Variants in UACA observed in about 807,000 individuals in gnomAD.
UACA encodes the protein uveal autoantigen with coiled-coil domains and ankyrin repeats.
Under a neutral mutation model 160.5 loss-of-function variants are expected in UACA, and 112 were observed. The ratio of observed to expected loss-of-function variants is 0.70; its 90% CI spans 0.60 to 0.82. The LOEUF (loss-of-function observed/expected upper bound fraction) is 0.82, where lower values mean the gene tolerates loss of function less well. Ranked by LOEUF, UACA falls within the 40% of genes least tolerant of loss-of-function variation. The pLI is 0.00. For synonymous variants in UACA, 557 were observed against 568.4 expected (o/e 0.98, Z 0.29); for missense variants, 1,574 against 1,614.6 (o/e 0.97, Z 0.43).
chr15:70,751,339 T>C (rs550145313), intron 1 of UACA, among the ~76,000 whole-genome samples: 1 of 152,324 alleles, frequency 6.6e-6, no homozygotes, highest in African/African-American at 2.4e-5. Context: ...AGGTGGACTT[T>C]TGAAGATCTA....
intron 1 of UACA, among the ~76,000 whole-genome samples, chr15:70,729,300 G>A (rs1045140112): frequency 1.1e-4 from 16 of 152,262 alleles, no homozygotes; most frequent in Admixed American, 3.3e-4. Context: ...CCCATCAAGA[G>A]TGGACTGGAA....
intron 16 of UACA, among the ~76,000 whole-genome samples, chr15:70,666,064 C>T (rs1249147631): frequency 7.3e-6 from 1 of 136,166 alleles, no homozygotes; most frequent in Non-Finnish European, 1.7e-5. Context: ...AGATCAACTA[C>T]ATAATTCTAA....
At chr15:70,726,531 T>C (rs1019482215) in intron 1 of UACA, among the ~76,000 whole-genome samples, 1 of 152,200 alleles carries the variant, frequency 6.6e-6, no homozygotes, top group South Asian at 2.1e-4. Context: ...TTTCATTTCA[T>C]TTGGCTTTAC....
intron 2 of UACA, among the ~76,000 whole-genome samples, chr15:70,698,911 G>A (rs752784124): frequency 3.8e-4 from 57 of 152,000 alleles, no homozygotes; most frequent in Non-Finnish European, 6.8e-4. Context: ...CAGACACATC[G>A]TTCATAAGCA....
At chr15:70,699,997 A>G (rs1023805881) in intron 1 of UACA, among the ~76,000 whole-genome samples, 1 of 152,112 alleles carries the variant, frequency 6.6e-6, no homozygotes, top group Non-Finnish European at 1.5e-5. Context: ...CTAAAGTCCC[A>G]ATCAACCCTA....
chr15:70,687,935 C>A, intron 5 of UACA, 115 bp from the exon 6 acceptor site: 2 of 918,362 alleles, frequency 2.2e-6, no homozygotes, highest in Non-Finnish European at 1.7e-6. Flanking sequence ...CCAAGCTTCA[C>A]GTCCTTCACT....
chr15:70,735,397 C>G (rs1485383444), intron 1 of UACA, among the ~76,000 whole-genome samples: 1 of 151,718 alleles, frequency 6.6e-6, no homozygotes, highest in Non-Finnish European at 1.5e-5. Context: ...AAATCTAAAT[C>G]CATCTCTAAA....
rs181575709 is a variant in UACA, at chr15:70,659,193, A to G, written c.4179+958T>C. On this transcript the variant is annotated intron_variant, in intron 18 of 18. Transcript: ENST00000322954. Reference sequence around the variant, plus strand: ...ATTTGCTCAAAAGAGAGTAGCTAAGATCCCTTGTTCTATCATATCATTCAT... The same window carrying G: ...ATTTGCTCAAAAGAGAGTAGCTAAGGTCCCTTGTTCTATCATATCATTCAT... Among the ~76,000 whole-genome samples, 616 of 152,200 alleles carry G rather than the reference A, an allele frequency of 4.0e-3. 5 individuals are homozygous for G. Among genetic ancestry groups the G allele is most frequent in the African/African-American group, 0.014 (584 of 41,550 alleles).
chr15:70,685,571 T>C (rs561376553), intron 7 of UACA, among the ~76,000 whole-genome samples: 1 of 152,268 alleles, frequency 6.6e-6, no homozygotes, highest in East Asian at 1.9e-4. Context: ...AAGAAATGAA[T>C]ATAGAGTATT....
At chr15:70,751,973 C>T (rs575276309) in intron 1 of UACA, among the ~76,000 whole-genome samples, 134 of 152,202 alleles carry the variant, frequency 8.8e-4, no homozygotes, top group African/African-American at 2.9e-3. Context: ...CAGTGGCTCA[C>T]GCCTGTGGGA....
At chr15:70,684,661 G>T (rs1037582876) in intron 7 of UACA, among the ~76,000 whole-genome samples, 7 of 151,806 alleles carry the variant, frequency 4.6e-5, no homozygotes, top group Non-Finnish European at 7.4e-5. Flanking sequence ...AGTAAGGAAT[G>T]TTTTGCTTCT....
chr15:70,765,382 G>A (rs1025465314), upstream of UACA, among the ~76,000 whole-genome samples: 4 of 152,122 alleles, frequency 2.6e-5, no homozygotes, highest in Non-Finnish European at 5.9e-5. Flanking sequence ...TCTTTTATGT[G>A]TGTGTTATGC....
chr15:70,717,449 C>A (rs1474980764), intron 1 of UACA, among the ~76,000 whole-genome samples: 2 of 152,170 alleles, frequency 1.3e-5, no homozygotes, highest in Non-Finnish European at 2.9e-5. Context: ...CTATTCAACT[C>A]TGCCACTGTA....
intron 2 of UACA, among the ~76,000 whole-genome samples, chr15:70,697,621 T>A (rs955649268): frequency 2.6e-5 from 4 of 152,248 alleles, no homozygotes; most frequent in Non-Finnish European, 2.9e-5. Context: ...AAACAAATTG[T>A]TTTTGTAATT....
At chr15:70,678,935 C>T (rs1897382190) in intron 10 of UACA, among the ~76,000 whole-genome samples, 1 of 152,042 alleles carries the variant, frequency 6.6e-6, no homozygotes, top group South Asian at 2.1e-4. Context: ...CTAAAATAAA[C>T]ACAAATGTAT....
chr15:70,702,278 A>G, intron 1 of UACA: 1 of 1,032,726 alleles, frequency 9.7e-7, no homozygotes, highest in Non-Finnish European at 1.2e-6. Flanking sequence ...TGCTGCCTCA[A>G]CACTGCAACA....
intron 2 of UACA, among the ~76,000 whole-genome samples, chr15:70,697,829 T>C (rs113206838): frequency 2.6e-5 from 4 of 152,130 alleles, no homozygotes; most frequent in Non-Finnish European, 5.9e-5. Flanking sequence ...GGTGGGCACA[T>C]CACCAGAGGT....
chr15:70,667,403 G>A lies in UACA; in HGVS notation c.3281C>T (p.Ala1094Val). The A allele has an allele frequency of 6.2e-7, 1 of 1,611,572 alleles. No homozygotes were observed. Residue 1094 changes from alanine (A) to valine (V), a missense_variant, in exon 16 of 19, where the codon GCC (alanine) becomes GTC (valine). Physicochemically the swap from Ala to Val is moderately conservative, Grantham distance 64. Coordinates refer to ENST00000322954, the MANE Select transcript of UACA (RefSeq NM_018003.4). Reference sequence around the variant, plus strand: ...TGCAAGTATCTCAGAAGTCTGTTTGGCATTTTCTTCTACTAGCTTCTCTTT... The same window carrying A: ...TGCAAGTATCTCAGAAGTCTGTTTGACATTTTCTTCTACTAGCTTCTCTTT... ...NVKEKLVEEN[A>V]KQTSEILAVQ...
chr15:70,720,895 C>G (rs1369071679), intron 1 of UACA, among the ~76,000 whole-genome samples: 4 of 152,164 alleles, frequency 2.6e-5, no homozygotes, highest in Admixed American at 2.6e-4. Context: ...AACAGTATCA[C>G]AAGTTACAGC....
Sources: allele counts gnomAD v4.1 joint callset (sites outside exome capture counted in the v4.1 genomes callset), GRCh38; gene constraint gnomAD v4.1.1; transcripts MANE v1.5; gene names NCBI Gene and HGNC (gene_info 2026-07-23, HGNC 2026-07-21).